XKR6: variants seen among roughly 807,000 people sequenced by gnomAD.
XKR6 encodes the protein XK-related protein 6.
A neutral mutation model predicts 56.7 loss-of-function variants in XKR6; 22 were observed. The ratio of observed to expected loss-of-function variants is 0.39; its 90% CI spans 0.28 to 0.55. The LOEUF is 0.55. Among genes scored for constraint, XKR6 ranks in the 20% least tolerant of loss-of-function variants. The pLI is 0.66. For missense variants in XKR6, 852 were observed against 889.0 expected (o/e 0.96, Z 0.53); for synonymous variants, 524 against 387.8 (o/e 1.35, Z -4.13).
intron 1 of XKR6, among the ~76,000 whole-genome samples, chr8:11,199,692 G>C (rs749991554): frequency 3.9e-5 from 6 of 152,188 alleles, no homozygotes; most frequent in African/African-American, 7.2e-5. Flanking sequence ...TGAAGGCCAC[G>C]GCAGAAAGAA....
chr8:11,021,402 G>A (rs1367698133), intron 1 of XKR6, among the ~76,000 whole-genome samples: 1 of 152,220 alleles, frequency 6.6e-6, no homozygotes, highest in African/African-American at 2.4e-5. Context: ...TTAAGGATGA[G>A]CTTAATGTAT....
intron 1 of XKR6, among the ~76,000 whole-genome samples, chr8:10,948,952 C>A (rs1326313794): frequency 6.6e-6 from 1 of 152,164 alleles, no homozygotes; most frequent in Non-Finnish European, 1.5e-5. Flanking sequence ...CGTCAATTCC[C>A]AGCCCTGCCC....
At chr8:11,014,184 A>G (rs1221889294) in intron 1 of XKR6, among the ~76,000 whole-genome samples, 2 of 152,192 alleles carry the variant, frequency 1.3e-5, no homozygotes, top group Non-Finnish European at 2.9e-5. Flanking sequence ...TCATTTGCAT[A>G]ATCCATATTT....
chr8:10,967,889 C>CAGG (rs762703298), intron 1 of XKR6, among the ~76,000 whole-genome samples: 23 of 152,300 alleles, frequency 1.5e-4, no homozygotes, highest in Non-Finnish European at 3.1e-4. Flanking sequence ...CGCTAGAGAG[C>CAGG]AGGAGGACAG....
chr8:11,084,799 C>G (rs915050052), intron 1 of XKR6, among the ~76,000 whole-genome samples: 1 of 152,218 alleles, frequency 6.6e-6, no homozygotes. Context: ...GGAGGTGGGA[C>G]TGCTGCCAGC....
At chr8:10,925,202 C>G (rs912490834) in intron 1 of XKR6, among the ~76,000 whole-genome samples, 1 of 152,046 alleles carries the variant, frequency 6.6e-6, no homozygotes, top group South Asian at 2.1e-4. Flanking sequence ...TTCAGGACCC[C>G]GGGGGGAAAC....
intron 1 of XKR6, among the ~76,000 whole-genome samples, chr8:10,969,068 G>A (rs890247237): frequency 2.2e-4 from 33 of 152,202 alleles, no homozygotes; most frequent in African/African-American, 6.8e-4. Flanking sequence ...ACTTGAGTGC[G>A]CCAGAATCAC....
rs547978150 is a variant in XKR6, at chr8:10,999,703, G to A, written c.765-74873C>T. 2.6e-5 allele frequency among the ~76,000 whole-genome samples: 4 copies of A among 152,344 alleles called. No individual in the cohort carries two copies. The South Asian group carries it at 8.3e-4, about 32-fold the overall frequency. On this transcript the variant is annotated intron_variant, in intron 1 of 2. Transcript: ENST00000416569. Reference sequence around the variant, plus strand: ...CAAAATAAAAGTTCCAACAAAGGATGTTCTGCAGATGTGACCAAACAAGGA... The same window carrying A: ...CAAAATAAAAGTTCCAACAAAGGATATTCTGCAGATGTGACCAAACAAGGA...
At chr8:11,047,149 T>G (rs1359967908) in intron 1 of XKR6, among the ~76,000 whole-genome samples, 1 of 152,126 alleles carries the variant, frequency 6.6e-6, no homozygotes, top group African/African-American at 2.4e-5. Flanking sequence ...TTAAATATTC[T>G]CACAGCAAGA....
At chr8:10,949,619 G>C (rs1322409956) in intron 1 of XKR6, among the ~76,000 whole-genome samples, 1 of 152,274 alleles carries the variant, frequency 6.6e-6, no homozygotes, top group Non-Finnish European at 1.5e-5. Flanking sequence ...CCTAACAGGG[G>C]AATGTGACTG....
chr8:10,982,536 G>A (rs1382318562), intron 1 of XKR6, among the ~76,000 whole-genome samples: 1 of 152,178 alleles, frequency 6.6e-6, no homozygotes, highest in Non-Finnish European at 1.5e-5. Context: ...AGGCTGAGAA[G>A]GAACATTAGT....
intron 1 of XKR6, among the ~76,000 whole-genome samples, chr8:10,943,580 G>C (rs1189755443): frequency 6.6e-6 from 1 of 152,078 alleles, no homozygotes; most frequent in African/African-American, 2.4e-5. Context: ...TCCTTGACCT[G>C]GTGAAATTCC....
intron 2 of XKR6, among the ~76,000 whole-genome samples, chr8:10,915,979 T>A (rs538804102): frequency 6.6e-6 from 1 of 152,248 alleles, no homozygotes. Context: ...TGCAATGCCA[T>A]GAGCGCCCGG....
intron 1 of XKR6, among the ~76,000 whole-genome samples, chr8:11,119,805 G>A (rs191411634): frequency 1.1e-4 from 17 of 152,010 alleles, no homozygotes; most frequent in African/African-American, 3.4e-4. Context: ...CTGGCAAACC[G>A]AATCCAGCAG....
intron 1 of XKR6, among the ~76,000 whole-genome samples, chr8:11,042,571 C>T (rs1020766169): frequency 6.6e-6 from 1 of 152,186 alleles, no homozygotes; most frequent in African/African-American, 2.4e-5. Context: ...ACTGTGAGTC[C>T]ATTAAACCTC....
intron 1 of XKR6, among the ~76,000 whole-genome samples, chr8:10,970,607 T>C (rs1025411086): frequency 6.6e-6 from 1 of 151,970 alleles, no homozygotes; most frequent in African/African-American, 2.4e-5. Flanking sequence ...ACACAGTGTC[T>C]CAACTGTTCA....
intron 1 of XKR6, among the ~76,000 whole-genome samples, chr8:11,135,034 ATT>A (rs35184172): frequency 0.016 from 2,202 of 140,166 alleles, 23 homozygotes; most frequent in African/African-American, 0.03. Context: ...AAATGCACTA[ATT>A]TTTTTTTTTT....
chr8:10,911,705 TAGAG>T (rs923022787), intron 2 of XKR6, among the ~76,000 whole-genome samples: 7 of 146,494 alleles, frequency 4.8e-5, no homozygotes, highest in South Asian at 2.2e-4. Context: ...TATACACATG[TAGAG>T]AGAGAGAGAG....
At chr8:11,189,879 G>A (rs1164644959) in intron 1 of XKR6, among the ~76,000 whole-genome samples, 5 of 152,152 alleles carry the variant, frequency 3.3e-5, no homozygotes, top group Admixed American at 6.5e-5. Flanking sequence ...TGCTTTGGAC[G>A]GGTGCAGTGG....
Sources: allele counts gnomAD v4.1 joint callset (sites outside exome capture counted in the v4.1 genomes callset), GRCh38; gene constraint gnomAD v4.1.1; transcripts MANE v1.5; gene names NCBI Gene and HGNC (gene_info 2026-07-23, HGNC 2026-07-21).